Variants in CFAP97D2 observed in about 807,000 individuals in gnomAD.
CFAP97D2 encodes the protein uncharacterized protein CFAP97D2.
In CFAP97D2 at chr13:114,211,237, C is replaced by T. The variant is rs1031976323; in HGVS notation, c.291-675C>T. ...CCCATGGCTCCCTCTCCATCCAATG[C>T]AGCCTCCTGAACAGGTTTCACCGGT... On this transcript the variant is annotated intron_variant, in intron 3 of 4. Transcript: ENST00000646158. This position sits in a 1 kb window ranked among gnomAD's most constrained non-coding sequence, Gnocchi z 4.2. Among the ~76,000 whole-genome samples the T allele has an allele frequency of 2.0e-5, 3 of 152,186 alleles. No individual in the cohort carries two copies. Among genetic ancestry groups the T allele is most frequent in the Admixed American group, 1.3e-4 (2 of 15,284 alleles).
At chr13:114,199,331 T>C (rs1463412899) in intron 2 of CFAP97D2, among the ~76,000 whole-genome samples, 40 of 32,920 alleles carry the variant, frequency 1.2e-3, no homozygotes, top group Non-Finnish European at 1.6e-3. Context: ...CGGTCCCCAC[T>C]GAGGCGTGAC....
At chr13:114,182,277 G>C (rs981269632) in intron 1 of CFAP97D2, among the ~76,000 whole-genome samples, 4 of 151,996 alleles carry the variant, frequency 2.6e-5, no homozygotes, top group South Asian at 2.1e-4. Context: ...CATCTCAGTG[G>C]AGTAAAGAAT....
chr13:114,186,254 C>G lies in CFAP97D2; in HGVS notation c.90+6834C>G, dbSNP rs748706643. The stretch of plus-strand genomic sequence containing the variant: ...GTCTCCTCTCTGCTGAGAGCTGAGA[C>G]GTCAGGACAACCAGCTTCAGGGAGG... On this transcript the variant is annotated intron_variant, in intron 1 of 4. Coordinates refer to ENST00000646158, the Ensembl canonical transcript of CFAP97D2. This position sits in a 1 kb window ranked among gnomAD's most constrained non-coding sequence, Gnocchi z 4.3. 6.6e-6 allele frequency among the ~76,000 whole-genome samples: 1 copy of G among 152,138 alleles called. No homozygotes were observed.
chr13:114,191,997 A>C (rs1399736577), intron 1 of CFAP97D2, among the ~76,000 whole-genome samples: 1 of 147,180 alleles, frequency 6.8e-6, no homozygotes, highest in African/African-American at 2.5e-5. Flanking sequence ...ATACTATATT[A>C]TTCTAACACT....
intron 3 of CFAP97D2, among the ~76,000 whole-genome samples, chr13:114,205,558 G>A (rs1229974177): frequency 1.3e-5 from 2 of 152,174 alleles, no homozygotes; most frequent in Non-Finnish European, 2.9e-5. Context: ...CATGTTCAGT[G>A]AGGGTTGAAC....
chr13:114,211,765 C>T lies in CFAP97D2; in HGVS notation c.291-147C>T. The stretch of plus-strand genomic sequence containing the variant: ...AGCTCCCACTCCAGCACCTGGAGAA[C>T]CGGTTTCTTAAATGTTGGTTCAGTG... On this transcript the variant is annotated intron_variant, in intron 3 of 4. Transcript: ENST00000646158. This position sits in a 1 kb window ranked among gnomAD's most constrained non-coding sequence, Gnocchi z 4.2. 1 of 396,458 alleles carries T rather than the reference C, an allele frequency of 2.5e-6. No individual in the cohort carries two copies. Among genetic ancestry groups the T allele is most frequent in the Non-Finnish European group, 4.4e-6 (1 of 225,278 alleles). The allele number at this position is 396,458 out of a possible 1,614,324, so 24.6% of individuals were successfully genotyped here.
chr13:114,191,692 C>T (rs1243567088), intron 1 of CFAP97D2, among the ~76,000 whole-genome samples: 2 of 152,152 alleles, frequency 1.3e-5, no homozygotes, highest in Non-Finnish European at 2.9e-5. Context: ...CAGTTGCTTA[C>T]AAAACTAAAC....
At chr13:114,194,470 C>T (rs370570458) in intron 1 of CFAP97D2, among the ~76,000 whole-genome samples, 115 of 152,202 alleles carry the variant, frequency 7.6e-4, no homozygotes, top group African/African-American at 2.6e-3. Context: ...AAAAGATGTA[C>T]GACCAGTGGC....
chr13:114,216,758 C>T (rs1197126669), intron 4 of CFAP97D2, among the ~76,000 whole-genome samples: 1 of 152,208 alleles, frequency 6.6e-6, no homozygotes, highest in Non-Finnish European at 1.5e-5. Flanking sequence ...CATACGTGTG[C>T]ATGTGTCTTT....
Position 114,199,251 on chromosome 13 carries a change from A to G in CFAP97D2, c.172-1074A>G, listed in dbSNP as rs547682140. 2.0e-3 allele frequency among the ~76,000 whole-genome samples: 15 copies of G among 7,322 alleles called. 1 individual carries two copies. In the African/African-American group the frequency reaches 0.023, roughly 11 times the overall value. The allele number at this position is 7,322 out of a possible 152,430, so 4.8% of individuals were successfully genotyped here. ...GCGCGTCCCCGTGGGTACGGTCCCC[A>G]CTGAGGCGTGACGGCGCTTCCCCGT... On this transcript the variant is annotated intron_variant, in intron 2 of 4. Transcript: ENST00000646158.
intron 1 of CFAP97D2, among the ~76,000 whole-genome samples, chr13:114,180,691 G>T (rs992064859): frequency 2.5e-4 from 38 of 152,328 alleles, no homozygotes; most frequent in African/African-American, 8.4e-4. Context: ...TTGTCAGTAG[G>T]GAAAGATGGA....
intron 1 of CFAP97D2, among the ~76,000 whole-genome samples, chr13:114,188,702 C>T (rs1450782825): frequency 4.0e-5 from 6 of 148,672 alleles, no homozygotes; most frequent in South Asian, 2.1e-4. Context: ...GCATGAACCC[C>T]GGAGGAGGAG....
In CFAP97D2 at chr13:114,211,319, C is replaced by T. The variant is rs1345482388; in HGVS notation, c.291-593C>T. 2.6e-5 allele frequency among the ~76,000 whole-genome samples: 4 copies of T among 152,196 alleles called. No individual in the cohort carries two copies. The highest frequency in any genetic ancestry group is 7.2e-5 in the African/African-American group (3 of 41,456). On this transcript the variant is annotated intron_variant, in intron 3 of 4. Coordinates refer to ENST00000646158, the Ensembl canonical transcript of CFAP97D2. The surrounding 1 kb of genome is among the most constrained non-coding windows in gnomAD (Gnocchi z 4.2). ...ATGCCCCTCCCTCCCACTTCATGCTCCCCAGTCCAGCCCCAGCCTGTCCAC... is the reference window on the plus strand; with the variant it reads ...ATGCCCCTCCCTCCCACTTCATGCTTCCCAGTCCAGCCCCAGCCTGTCCAC...
At chr13:114,216,208 C>T (rs2080992598) in intron 4 of CFAP97D2, among the ~76,000 whole-genome samples, 1 of 152,202 alleles carries the variant, frequency 6.6e-6, no homozygotes, top group African/African-American at 2.4e-5. Flanking sequence ...ACTCCTTCTC[C>T]AGGGATCTCA....
chr13:114,183,163 A>ATTAT lies in CFAP97D2; in HGVS notation c.90+3762_90+3765dup, dbSNP rs569807563. Among the ~76,000 whole-genome samples, 166 of 152,088 alleles carry ATTAT rather than the reference A, an allele frequency of 1.1e-3. 1 individual carries two copies. The highest frequency in any genetic ancestry group is 1.5e-3 in the Admixed American group (23 of 15,264). On this transcript the variant is annotated intron_variant, in intron 1 of 4. Transcript: ENST00000646158. ...CTACAACAAGATATCACAGATTGTC[A>ATTAT]TTATTTATTTATTTATTTATTTTGA...
In CFAP97D2 at chr13:114,179,727, G is replaced by A. The variant is rs963137547; in HGVS notation, c.90+307G>A. 6.6e-6 allele frequency among the ~76,000 whole-genome samples: 1 copy of A among 151,758 alleles called. No individual in the cohort carries two copies. Among genetic ancestry groups the A allele is most frequent in the African/African-American group, 2.4e-5 (1 of 41,280 alleles). ...AAGAAGTACTTAATTTTTCCTAAGT[G>A]ACTTGAAAGCATCTTAAGACAAAAA... On this transcript the variant is annotated intron_variant, in intron 1 of 4. Transcript: ENST00000646158. This position sits in a 1 kb window ranked among gnomAD's most constrained non-coding sequence, Gnocchi z 4.8.
At chr13:114,204,588 A>G (rs908009033) in intron 3 of CFAP97D2, among the ~76,000 whole-genome samples, 1 of 152,228 alleles carries the variant, frequency 6.6e-6, no homozygotes, top group African/African-American at 2.4e-5. Context: ...TGAGGAAAGA[A>G]TAGTCTTTCC....
chr13:114,214,727 T>C (rs530503885), intron 4 of CFAP97D2, among the ~76,000 whole-genome samples: 2 of 152,250 alleles, frequency 1.3e-5, no homozygotes, highest in Non-Finnish European at 2.9e-5. Context: ...GCTGGGGTTA[T>C]AGGCATGAGC....
In CFAP97D2 at chr13:114,179,346, C is replaced by T. The variant is rs565246098; in HGVS notation, c.16C>T (p.Arg6Trp). The change falls in exon 1 of 5, where the codon CGG becomes TGG. Residue 6 changes from arginine (R) to tryptophan (W), a missense_variant. By Grantham distance (101) the Arg-to-Trp change is moderately radical. Transcript: ENST00000646158. This position sits in a 1 kb window ranked among gnomAD's most constrained non-coding sequence, Gnocchi z 4.8. ...TGTTGCTGAGATGCACGGAGCCCCC[C>T]GGCTGACCTTTCCCTGTGCCAGTGA... is the stretch of plus-strand genomic sequence containing the variant. 4.5e-5 allele frequency: 18 copies of T among 398,738 alleles called. No homozygotes were observed. Among genetic ancestry groups the T allele is most frequent in the African/African-American group, 1.0e-4 (5 of 48,748 alleles). The allele number at this position is 398,738 out of a possible 1,614,324, so 24.7% of individuals were successfully genotyped here.
Sources: gnomAD v4.1 joint callset for allele counts (sites outside exome capture counted in the v4.1 genomes callset) on GRCh38, gnomAD v4.1.1 for gene constraint, Gnocchi (gnomAD v3.1) non-coding constraint, MANE v1.5 for transcripts, NCBI Gene and HGNC (gene_info 2026-07-23, HGNC 2026-07-21) for gene names.